Variants in CDKAL1 observed in about 807,000 individuals in gnomAD.
The protein encoded by CDKAL1 is threonylcarbamoyladenosine tRNA methylthiotransferase.
Under a neutral mutation model 68.2 loss-of-function variants are expected in CDKAL1, and 32 were observed. That is an observed-to-expected ratio of 0.47 (90% CI 0.35 to 0.63). The LOEUF (loss-of-function observed/expected upper bound fraction) is 0.63, where lower values mean the gene tolerates loss of function less well. Among genes scored for constraint, CDKAL1 ranks in the 30% least tolerant of loss-of-function variants. CDKAL1 has a pLI of 0.00. For synonymous variants in CDKAL1, 234 were observed against 244.3 expected (o/e 0.96, Z 0.39); for missense variants, 606 against 696.7 (o/e 0.87, Z 1.47).
intron 9 of CDKAL1, among the ~76,000 whole-genome samples, chr6:20,903,803 G>A (rs1182591277): frequency 5.9e-5 from 9 of 152,204 alleles, no homozygotes; most frequent in Non-Finnish European, 8.8e-5. Flanking sequence ...AAGTGACTAT[G>A]CAGAAGAGGA....
chr6:21,015,417 T>C, intron 11 of CDKAL1, among the ~76,000 whole-genome samples: 1 of 152,210 alleles, frequency 6.6e-6, no homozygotes, highest in East Asian at 1.9e-4. Flanking sequence ...GAAAATACTA[T>C]TATAATTCAA....
chr6:20,799,627 C>T (rs558754914), intron 8 of CDKAL1: 3 of 152,318 alleles, frequency 2.0e-5, no homozygotes, highest in African/African-American at 7.2e-5. Flanking sequence ...CTGCCAGTCT[C>T]CATTTGTTGA....
chr6:20,889,875 A>G lies in CDKAL1; in HGVS notation c.742+43697A>G, dbSNP rs370126099. On this transcript the variant is annotated intron_variant, in intron 9 of 15. Coordinates refer to ENST00000274695, the MANE Select transcript of CDKAL1 (RefSeq NM_017774.3). ...TTCAGTTCCATATGAACTTTAAAGT[A>G]GTTTTTTCCAATTCTGTGAAGAAAG... Among the ~76,000 whole-genome samples, 267 of 152,194 alleles carry G rather than the reference A, an allele frequency of 1.8e-3. 8 individuals carry two copies. In the South Asian group the frequency reaches 0.049, roughly 28 times the overall value.
intron 5 of CDKAL1, among the ~76,000 whole-genome samples, chr6:20,702,142 C>T (rs1283406496): frequency 6.6e-6 from 1 of 152,122 alleles, no homozygotes; most frequent in Non-Finnish European, 1.5e-5. Flanking sequence ...GAAAGGTTCC[C>T]TTGTCCCCCT....
intron 5 of CDKAL1, among the ~76,000 whole-genome samples, chr6:20,708,989 C>T (rs1266404746): frequency 6.6e-6 from 1 of 152,116 alleles, no homozygotes; most frequent in Non-Finnish European, 1.5e-5. Context: ...TACAGTAGAA[C>T]TAAATCCATG....
chr6:20,597,380 A>G (rs1561953525), intron 4 of CDKAL1, among the ~76,000 whole-genome samples: 1 of 151,394 alleles, frequency 6.6e-6, no homozygotes, highest in Non-Finnish European at 1.5e-5. Flanking sequence ...CGCCCACCTC[A>G]GCCTCCCAAA....
Position 21,219,100 on chromosome 6 carries a change from A to G in CDKAL1, c.1549-11748A>G, listed in dbSNP as rs532810014. On this transcript the variant is annotated intron_variant, in intron 15 of 15. Coordinates refer to ENST00000274695, the MANE Select transcript of CDKAL1 (RefSeq NM_017774.3). ...CTTTGGGAGTGATAGGAAAATATGT[A>G]GAGATGTGATCTTTCTTCAGATGGT... 4.4e-4 allele frequency among the ~76,000 whole-genome samples: 67 copies of G among 152,332 alleles called. 1 individual carries two copies. In the South Asian group the frequency reaches 0.012, roughly 28 times the overall value.
At chr6:20,806,638 A>G (rs533849714) in intron 8 of CDKAL1, among the ~76,000 whole-genome samples, 2 of 152,188 alleles carry the variant, frequency 1.3e-5, no homozygotes, top group South Asian at 4.1e-4. Flanking sequence ...GTATCTGTTA[A>G]TATTAGACTT....
At chr6:20,972,229 A>C (rs1453998246) in intron 10 of CDKAL1, among the ~76,000 whole-genome samples, 1 of 152,222 alleles carries the variant, frequency 6.6e-6, no homozygotes, top group Non-Finnish European at 1.5e-5. Context: ...CTCTATTGCC[A>C]AAAATGGATT....
intron 4 of CDKAL1, among the ~76,000 whole-genome samples, chr6:20,593,034 G>C (rs1765660603): frequency 6.6e-6 from 1 of 152,150 alleles, no homozygotes; most frequent in Admixed American, 6.5e-5. Flanking sequence ...TGATCGTGGT[G>C]GATAAGCTTT....
chr6:20,726,718 GT>G (rs1334469052), intron 5 of CDKAL1, among the ~76,000 whole-genome samples: 2 of 152,150 alleles, frequency 1.3e-5, no homozygotes, highest in Non-Finnish European at 2.9e-5. Flanking sequence ...GACAGACTGG[GT>G]TTTATGCCTC....
At position 20,739,323 on chromosome 6, in the gene CDKAL1, G is replaced by T. The variant is rs147342832; in HGVS notation, c.372-196G>T. Among the ~76,000 whole-genome samples, 362 of 152,252 alleles carry T rather than the reference G, an allele frequency of 2.4e-3. 2 individuals carry two copies. The highest frequency in any genetic ancestry group is 8.4e-3 in the African/African-American group (350 of 41,550). ...GGCATTATCAGATTGGACTGCTGTT[G>T]TGTTCTTTAATGCTGCGATAAATAG... On this transcript the variant is annotated intron_variant, in intron 5 of 15. Coordinates refer to ENST00000274695, the MANE Select transcript of CDKAL1 (RefSeq NM_017774.3).
At chr6:20,971,135 AC>A (rs1765578706) in intron 10 of CDKAL1, among the ~76,000 whole-genome samples, 1 of 152,206 alleles carries the variant, frequency 6.6e-6, no homozygotes, top group South Asian at 2.1e-4. Flanking sequence ...GCATGAGCCC[AC>A]CATGCACGGC....
intron 5 of CDKAL1, among the ~76,000 whole-genome samples, chr6:20,730,799 A>G (rs374630044): frequency 2.0e-5 from 3 of 149,772 alleles, no homozygotes; most frequent in Non-Finnish European, 4.4e-5. Flanking sequence ...AGCTGAGATC[A>G]CACCACTGCA....
intron 9 of CDKAL1, among the ~76,000 whole-genome samples, chr6:20,918,509 C>T (rs917689800): frequency 6.6e-6 from 1 of 152,174 alleles, no homozygotes; most frequent in Non-Finnish European, 1.5e-5. Flanking sequence ...TGCCTGCTTC[C>T]TTCCGATTGG....
intron 9 of CDKAL1, among the ~76,000 whole-genome samples, chr6:20,870,135 C>A (rs905063064): frequency 2.0e-5 from 3 of 152,114 alleles, no homozygotes; most frequent in Non-Finnish European, 2.9e-5. Flanking sequence ...TCGCTTCTTC[C>A]AAACACTACA....
intron 10 of CDKAL1, among the ~76,000 whole-genome samples, chr6:20,997,608 G>A (rs1767190039): frequency 6.6e-6 from 1 of 152,078 alleles, no homozygotes; most frequent in Non-Finnish European, 1.5e-5. Flanking sequence ...TTGTAAATTG[G>A]CATACTGTAG....
chr6:20,992,785 C>G (rs2150801719), intron 10 of CDKAL1, among the ~76,000 whole-genome samples: 1 of 151,882 alleles, frequency 6.6e-6, no homozygotes, highest in Non-Finnish European at 1.5e-5. Context: ...GCTTGTCATC[C>G]CATCTACTCG....
chr6:21,096,147 A>G (rs1292920817), intron 12 of CDKAL1, among the ~76,000 whole-genome samples: 1 of 152,216 alleles, frequency 6.6e-6, no homozygotes, highest in Non-Finnish European at 1.5e-5. Context: ...ATGCAGCAAT[A>G]ACTGGCACAG....
Sources: gnomAD v4.1 joint callset for allele counts (sites outside exome capture counted in the v4.1 genomes callset) on GRCh38, gnomAD v4.1.1 for gene constraint, MANE v1.5 for transcripts, NCBI Gene and HGNC (gene_info 2026-07-23, HGNC 2026-07-21) for gene names.